Variants in PAIP1 observed in about 807,000 individuals in gnomAD.
The protein encoded by PAIP1 is poly(A) binding protein interacting protein 1, also known as polyadenylate-binding protein-interacting protein 1.
Under a neutral mutation model 61.3 loss-of-function variants are expected in PAIP1, and 16 were observed. The observed-to-expected ratio is 0.26, with a 90% CI of 0.18 to 0.40. The LOEUF is 0.40. PAIP1 is among the 10% of genes least tolerant of loss of function. The probability of loss-of-function intolerance (pLI) is 1.00; values close to 1 mark genes in which losing one functional copy is unlikely to be tolerated. For missense variants in PAIP1, 416 were observed against 600.9 expected (o/e 0.69, Z 3.22); for synonymous variants, 187 against 226.2 (o/e 0.83, Z 1.56).
chr5:43,536,776 T>C, intron 6 of PAIP1, 43 bp downstream of exon 6: 1 of 1,042,928 alleles, frequency 9.6e-7, no homozygotes, highest in Non-Finnish European at 1.4e-6. Context: ...CTCTAAATCA[T>C]AAGTAAATAC....
chr5:43,530,344 G>A (rs1051984146), intron 9 of PAIP1, among the ~76,000 whole-genome samples: 2 of 152,168 alleles, frequency 1.3e-5, no homozygotes, highest in African/African-American at 2.4e-5. Context: ...CCTGGTAAAC[G>A]TTTCAGCTCT....
At chr5:43,540,205 T>G (rs981776427) in intron 4 of PAIP1, among the ~76,000 whole-genome samples, 14 of 151,868 alleles carry the variant, frequency 9.2e-5, no homozygotes, top group Non-Finnish European at 1.8e-4. Context: ...TCAAATGTGG[T>G]AAGATATTTG....
intron 1 of PAIP1, chr5:43,556,379 G>T: frequency 8.1e-7 from 1 of 1,234,064 alleles, no homozygotes; most frequent in Non-Finnish European, 1.0e-6. Context: ...CCTCCCCCCA[G>T]CCAGGCGCAC....
chr5:43,532,622 T>C (rs1295212763), intron 9 of PAIP1, among the ~76,000 whole-genome samples: 2 of 152,178 alleles, frequency 1.3e-5, no homozygotes. Context: ...CTGATAAATT[T>C]TGTTCACATT....
chr5:43,538,110 A>T (rs1357702750), intron 5 of PAIP1, among the ~76,000 whole-genome samples: 3 of 152,056 alleles, frequency 2.0e-5, no homozygotes, highest in African/African-American at 7.2e-5. Flanking sequence ...TATACCACCC[A>T]AATTTATAAA....
intron 1 of PAIP1, chr5:43,556,240 T>G (rs536477871): frequency 7.8e-7 from 1 of 1,284,360 alleles, no homozygotes; most frequent in Non-Finnish European, 9.8e-7. Flanking sequence ...TTTTTTCCTC[T>G]CTGTCGTTTT....
At chr5:43,557,091 A>T (rs1748131192), upstream of PAIP1, 3 of 608,040 alleles carry the variant, frequency 4.9e-6, no homozygotes, top group Non-Finnish European at 7.0e-6. Context: ...TCTCCCCCAA[A>T]ACCCGGCTCC....
intron 9 of PAIP1, 72 bp downstream of exon 9, chr5:43,533,666 G>T: frequency 1.1e-6 from 1 of 884,344 alleles, no homozygotes; most frequent in Non-Finnish European, 1.9e-6. Context: ...GTGCTGGTGA[G>T]GATGTGGTTT....
At position 43,556,674 on chromosome 5, in the gene PAIP1, G is replaced by A. The variant is rs1561241131; in HGVS notation, c.173C>T (p.Pro58Leu). ...CGGGGTCGTCCTGGGCTGGCGCAGC[G>A]GCGGTGGCTGCAGGAAGCCCGGGGC... ...PKAPGFLQPP[P>L]LRQPRTTPPP... Residue 58 changes from proline to leucine, a missense_variant, in exon 1 of 11, where the codon CCG becomes CTG. Pro to Leu is a moderately conservative substitution (Grantham distance 98). This residue lies in a region of PAIP1 where 4 missense variants were observed against 16.4 expected (regional missense o/e 0.24). Coordinates refer to ENST00000306846, the MANE Select transcript of PAIP1 (RefSeq NM_006451.5). The A allele has an allele frequency of 1.6e-6, 2 of 1,286,364 alleles. No individual in the cohort carries two copies. Among genetic ancestry groups the A allele is most frequent in the African/African-American group, 1.5e-5 (1 of 64,672 alleles). 79.7% of individuals were successfully genotyped at this position (1,286,364 alleles called of 1,614,324 possible). A position where few individuals can be genotyped will look rare whatever the true frequency, so the allele number is the denominator to read the frequency against.
intron 8 of PAIP1, 151 bp downstream of exon 8, chr5:43,534,702 T>A (rs1747075223): frequency 1.7e-6 from 1 of 596,152 alleles, no homozygotes; most frequent in Admixed American, 3.1e-5. Context: ...CTCTTTTCTT[T>A]TTTACCCAGT....
intron 2 of PAIP1, among the ~76,000 whole-genome samples, chr5:43,550,038 G>C (rs1450658046): frequency 6.6e-6 from 1 of 151,092 alleles, no homozygotes; most frequent in Non-Finnish European, 1.5e-5. Flanking sequence ...TATCTTCAGA[G>C]ACTGAAGTGA....
intron 4 of PAIP1, 68 bp downstream of exon 4, chr5:43,542,936 G>C: frequency 1.2e-6 from 1 of 836,644 alleles, no homozygotes; most frequent in South Asian, 1.4e-5. Context: ...ATAATATATG[G>C]TCTGAGGAAT....
At chr5:43,537,800 C>T (rs139849934) in intron 5 of PAIP1, among the ~76,000 whole-genome samples, 11,358 of 151,890 alleles carry the variant, frequency 0.075, 502 homozygotes, top group Middle Eastern at 0.15. Context: ...TTGAGACCAG[C>T]GTGGCCAACA....
chr5:43,528,244 T>C (rs1007504693), intron 10 of PAIP1, among the ~76,000 whole-genome samples: 2 of 152,174 alleles, frequency 1.3e-5, no homozygotes, highest in African/African-American at 4.8e-5. Context: ...AAATTTTAAG[T>C]GTGTGGCGGG....
intron 1 of PAIP1, chr5:43,556,366 G>A (rs896651357): frequency 1.2e-5 from 15 of 1,233,480 alleles, no homozygotes; most frequent in Non-Finnish European, 1.5e-5. Context: ...CGCGCACCCG[G>A]CCCCTCCCCC....
At chr5:43,543,511 T>G (rs2112405049) in intron 3 of PAIP1, among the ~76,000 whole-genome samples, 1 of 152,212 alleles carries the variant, frequency 6.6e-6, no homozygotes, top group Middle Eastern at 3.4e-3. Context: ...GACTTTTTAG[T>G]GTTTGGCAGT....
intron 6 of PAIP1, among the ~76,000 whole-genome samples, chr5:43,535,974 G>A: frequency 1.1e-5 from 1 of 89,534 alleles, no homozygotes; most frequent in South Asian, 4.5e-4. Flanking sequence ...AACAAGTATA[G>A]AAGCTTTGAA....
chr5:43,534,210 T>C (rs1244034169), intron 8 of PAIP1, among the ~76,000 whole-genome samples: 1 of 152,178 alleles, frequency 6.6e-6, no homozygotes, highest in Non-Finnish European at 1.5e-5. Context: ...ATTTTTTTTT[T>C]TTCCCTGAGA....
chr5:43,538,866 T>G, intron 5 of PAIP1, 58 bp downstream of exon 5: 1 of 837,744 alleles, frequency 1.2e-6, no homozygotes, highest in Non-Finnish European at 2.0e-6. Context: ...AATTCCTCAT[T>G]GAGATCAACT....
Sources: gnomAD v4.1 joint callset for allele counts (sites outside exome capture counted in the v4.1 genomes callset) on GRCh38, gnomAD v4.1.1 for gene constraint, gnomAD v4.1.1 regional missense constraint, MANE v1.5 for transcripts, NCBI Gene and HGNC (gene_info 2026-07-23, HGNC 2026-07-21) for gene names.